The following CNTN1 variants were observed in gnomAD, a reference collection of about 807,000 sequenced individuals.
CNTN1 encodes the protein contactin 1.
A neutral mutation model predicts 126.4 loss-of-function variants in CNTN1; 38 were observed. The ratio of observed to expected loss-of-function variants is 0.30; its 90% CI spans 0.23 to 0.39. The LOEUF is 0.39. Ranked by LOEUF, CNTN1 falls within the 10% of genes least tolerant of loss-of-function variation. CNTN1 has a pLI of 1.00. For missense variants in CNTN1, 1,009 were observed against 1,248.4 expected (o/e 0.81, Z 2.89); for synonymous variants, 413 against 422.6 (o/e 0.98, Z 0.28).
chr12:41,026,554 G>T (rs1327246115), intron 21 of CNTN1, among the ~76,000 whole-genome samples: 2 of 152,162 alleles, frequency 1.3e-5, no homozygotes, highest in South Asian at 4.1e-4. Flanking sequence ...AAGGTTCTTT[G>T]CACTCTAAGT....
rs117620259 is a variant in CNTN1, at chr12:40,805,741, T to G, written c.-76-102616T>G. Among the ~76,000 whole-genome samples, 48 of 152,170 alleles carry G rather than the reference T, an allele frequency of 3.2e-4. 1 individual carries two copies. The East Asian group carries it at 9.3e-3, about 29-fold the overall frequency. ...TGTGTGTGTATCTCATAAATTTGAA[T>G]GCTAAACATTGTGTATGGAACAGTA... On this transcript the variant is annotated intron_variant, in intron 1 of 23. Coordinates refer to ENST00000551295, the MANE Select transcript of CNTN1 (RefSeq NM_001843.4).
chr12:40,899,010 A>C (rs79386453), intron 1 of CNTN1, among the ~76,000 whole-genome samples: 3,054 of 152,306 alleles, frequency 0.02, 73 homozygotes, highest in South Asian at 0.12. Flanking sequence ...GCATCTCCAC[A>C]GTGGAGTAAG....
At chr12:40,956,955 A>G (rs1049180958) in intron 14 of CNTN1, among the ~76,000 whole-genome samples, 2 of 151,966 alleles carry the variant, frequency 1.3e-5, no homozygotes, top group African/African-American at 4.8e-5. Context: ...TGATGGAAAG[A>G]ATGGATAAAT....
chr12:40,994,580 A>G lies in CNTN1; in HGVS notation c.2113+1311A>G, dbSNP rs114620942. 7.8e-3 allele frequency among the ~76,000 whole-genome samples: 1,183 copies of G among 152,188 alleles called. 11 individuals carry two copies. Among genetic ancestry groups the G allele is most frequent in the African/African-American group, 0.027 (1,133 of 41,546 alleles). ...CAACAGTGTTCGGTCCATAATACAG[A>G]AGCCTCTATTACAAACATATGCAGC... On this transcript the variant is annotated intron_variant, in intron 17 of 23. Transcript: ENST00000551295.
intron 1 of CNTN1, among the ~76,000 whole-genome samples, chr12:40,773,666 TATATATACAC>T (rs1346062036): frequency 8.9e-4 from 9 of 10,130 alleles, no homozygotes; most frequent in Admixed American, 3.4e-3. Context: ...CACATATATA[TATATATACAC>T]ATATATATAT....
chr12:40,744,669 G>A (rs529699760), intron 1 of CNTN1, among the ~76,000 whole-genome samples: 130 of 152,234 alleles, frequency 8.5e-4, no homozygotes, highest in African/African-American at 2.8e-3. Flanking sequence ...AACTAAGGGC[G>A]TAAAAGACAG....
intron 1 of CNTN1, among the ~76,000 whole-genome samples, chr12:40,738,500 G>A (rs1001914472): frequency 2.0e-5 from 3 of 152,028 alleles, no homozygotes; most frequent in African/African-American, 7.2e-5. Flanking sequence ...GATTAAAAAT[G>A]TAAAGCTTCA....
chr12:40,992,416 C>T (rs915992702), intron 16 of CNTN1, among the ~76,000 whole-genome samples: 1 of 152,016 alleles, frequency 6.6e-6, no homozygotes, highest in Non-Finnish European at 1.5e-5. Context: ...ATTAAAAACT[C>T]GTGGAAATAT....
chr12:41,068,678 G>A (rs933097405), intron 23 of CNTN1, among the ~76,000 whole-genome samples: 2 of 152,176 alleles, frequency 1.3e-5, no homozygotes, highest in African/African-American at 4.8e-5. Flanking sequence ...AGAATGAGCT[G>A]TTTATGGTCA....
chr12:41,028,019 G>A (rs1390024873), intron 22 of CNTN1, 50 bp downstream of exon 22: 1 of 1,317,148 alleles, frequency 7.6e-7, no homozygotes, highest in South Asian at 1.2e-5. Context: ...CTATTTCAGT[G>A]AAACCCAAGA....
intron 1 of CNTN1, among the ~76,000 whole-genome samples, chr12:40,835,799 T>TACACACACACACACAC (rs10556497): frequency 5.6e-5 from 8 of 142,530 alleles, no homozygotes; most frequent in African/African-American, 1.8e-4. Context: ...ATGCTATTTA[T>TACACACACACACACAC]ACACACACAC....
chr12:40,829,841 G>A (rs1048294208), intron 1 of CNTN1, among the ~76,000 whole-genome samples: 3 of 152,120 alleles, frequency 2.0e-5, no homozygotes, highest in African/African-American at 7.2e-5. Context: ...CTGATTAACA[G>A]CTAATAAAAT....
At chr12:40,919,809 A>G (rs1945373532) in intron 4 of CNTN1, among the ~76,000 whole-genome samples, 1 of 152,174 alleles carries the variant, frequency 6.6e-6, no homozygotes, top group Non-Finnish European at 1.5e-5. Context: ...ACATGGAAAT[A>G]TGATATAAGT....
intron 1 of CNTN1, among the ~76,000 whole-genome samples, chr12:40,821,647 A>G (rs941625837): frequency 4.6e-5 from 7 of 152,202 alleles, no homozygotes; most frequent in Non-Finnish European, 1.0e-4. Context: ...TAATGGAACC[A>G]GAAATCCTTT....
At chr12:41,051,080 A>G (rs1389514523) in intron 23 of CNTN1, among the ~76,000 whole-genome samples, 2 of 151,538 alleles carry the variant, frequency 1.3e-5, no homozygotes, top group African/African-American at 4.9e-5. Context: ...GACACAGTAA[A>G]TTCTATGAAT....
chr12:40,750,201 T>A (rs1292086681), intron 1 of CNTN1, among the ~76,000 whole-genome samples: 2 of 152,046 alleles, frequency 1.3e-5, no homozygotes, highest in Non-Finnish European at 1.5e-5. Flanking sequence ...GAAGGCTGAT[T>A]GTCACTTCTA....
intron 1 of CNTN1, among the ~76,000 whole-genome samples, chr12:40,819,527 T>A (rs1038368337): frequency 6.6e-6 from 1 of 152,196 alleles, no homozygotes; most frequent in Non-Finnish European, 1.5e-5. Context: ...CCAGTCTTCC[T>A]GGCTCCAGCA....
At chr12:40,910,704 T>C (rs553257789) in intron 3 of CNTN1, among the ~76,000 whole-genome samples, 1 of 152,344 alleles carries the variant, frequency 6.6e-6, no homozygotes, top group South Asian at 2.1e-4. Flanking sequence ...TTGCATAAAT[T>C]ATATAACTTC....
intron 1 of CNTN1, among the ~76,000 whole-genome samples, chr12:40,744,078 G>C (rs895466446): frequency 6.6e-6 from 1 of 151,976 alleles, no homozygotes; most frequent in East Asian, 1.9e-4. Flanking sequence ...AGTGGAAGCT[G>C]AACAATGAGA....
Sources: gnomAD v4.1 joint callset for allele counts (sites outside exome capture counted in the v4.1 genomes callset) on GRCh38, gnomAD v4.1.1 for gene constraint, MANE v1.5 for transcripts, NCBI Gene and HGNC (gene_info 2026-07-23, HGNC 2026-07-21) for gene names.